The following ZER1 variants were observed in gnomAD, a reference collection of about 807,000 sequenced individuals.
ZER1 encodes the protein zyg-11 related cell cycle regulator.
In ZER1, 11 loss-of-function variants were observed where a neutral mutation model predicts 78.8. That is an observed-to-expected ratio of 0.14 (90% CI 0.09 to 0.23). ZER1 has a LOEUF of 0.23. Ranked by LOEUF, ZER1 falls within the 10% of genes least tolerant of loss-of-function variation. The pLI, the probability that ZER1 is intolerant of heterozygous loss-of-function variation, is 1.00. For missense variants in ZER1, 588 were observed against 996.9 expected, an observed-to-expected ratio of 0.59 and a Z score of 5.52; for synonymous variants, 400 against 407.0, an observed-to-expected ratio of 0.98 and a Z score of 0.21.
In ZER1 at chr9:128,754,020, A is replaced by T; in HGVS notation, c.159-61T>A. 1.1e-5 allele frequency: 17 copies of T among 1,533,502 alleles called. No individual in the cohort carries two copies. The highest frequency in any genetic ancestry group is 1.5e-5 in the Non-Finnish European group (17 of 1,135,822). The allele number at this position is 1,533,502 out of a possible 1,614,324, so 95.0% of individuals were successfully genotyped here. A position where few individuals can be genotyped will look rare whatever the true frequency, so the allele number is the denominator to read the frequency against. ...ACAGGGACTCTCATCCTCGCTTCAA[A>T]GCCAAGCCCTCCTCCCCCTGAAGCT... On this transcript the variant is annotated intron_variant, in intron 2 of 15. Transcript: ENST00000291900. The surrounding 1 kb of genome is among the most constrained non-coding windows in gnomAD (Gnocchi z 4.3).
chr9:128,750,287 G>A (rs1192529835), intron 8 of ZER1, among the ~76,000 whole-genome samples: 1 of 152,138 alleles, frequency 6.6e-6, no homozygotes, highest in Non-Finnish European at 1.5e-5. Flanking sequence ...TATAATAAAG[G>A]CTTTTATTAC....
chr9:128,741,858 G>C lies in ZER1; in HGVS notation c.1576-17C>G, dbSNP rs778352747. The C allele has an allele frequency of 1.5e-5, 25 of 1,614,090 alleles. No individual in the cohort carries two copies. Among genetic ancestry groups the C allele is most frequent in the African/African-American group, 2.7e-5 (2 of 74,936 alleles). On this transcript the variant is annotated splice_polypyrimidine_tract_variant and intron_variant, in intron 9 of 15. Coordinates refer to ENST00000291900, the MANE Select transcript of ZER1 (RefSeq NM_006336.4). ...CAGCATGGTCTGCAGGCAGGGACAA[G>C]AGTCTGCTAGAGTGCTGGGGCTGAA... is the stretch of plus-strand genomic sequence containing the variant.
Position 128,750,632 on chromosome 9 carries a change from G to C in ZER1, c.1343C>G (p.Ser448Cys). The C allele has an allele frequency of 6.2e-7, 1 of 1,614,156 alleles. No homozygotes were observed. The highest frequency in any genetic ancestry group is 1.1e-5 in the South Asian group (1 of 91,082). Reference protein sequence around the residue: ...VIQVVLNGMESYQEVTVQRNC... With the variant: ...VIQVVLNGMECYQEVTVQRNC... ...GGGGCTCACCGTCACCTCCTGGTAG[G>C]ATTCCATGCCATTCAGCACCACCTG... is the stretch of plus-strand genomic sequence containing the variant. Residue 448 changes from serine to cysteine, a missense_variant, in exon 8 of 16, where the codon TCC (serine) becomes TGC (cysteine). By Grantham distance (112) the Ser-to-Cys change is moderately radical. This residue lies in a region of ZER1 where 406 missense variants were observed against 660.1 expected (regional missense o/e 0.62). Transcript: ENST00000291900.
At chr9:128,768,455 C>G (rs926858358) in intron 1 of ZER1, among the ~76,000 whole-genome samples, 1 of 152,166 alleles carries the variant, frequency 6.6e-6, no homozygotes, top group Non-Finnish European at 1.5e-5. Context: ...GGCCATTATT[C>G]TTAATCTACA....
At chr9:128,762,953 C>T (rs926287518) in intron 1 of ZER1, among the ~76,000 whole-genome samples, 4 of 152,234 alleles carry the variant, frequency 2.6e-5, no homozygotes, top group Non-Finnish European at 4.4e-5. Flanking sequence ...TTTTCAAGCC[C>T]ACCGGAATTA....
chr9:128,735,757 CCTGGT>C (rs1454215830), intron 13 of ZER1, among the ~76,000 whole-genome samples: 1,968 of 77,258 alleles, frequency 0.025, 705 homozygotes, highest in African/African-American at 0.067. Flanking sequence ...GCACGTGTGA[CCTGGT>C]TTTTTTTTTT....
chr9:128,761,572 C>T (rs1864047692), intron 1 of ZER1, among the ~76,000 whole-genome samples: 1 of 150,316 alleles, frequency 6.7e-6, no homozygotes, highest in Non-Finnish European at 1.5e-5. Flanking sequence ...AGTCATGAGC[C>T]ACCATGTCCA....
In ZER1 at chr9:128,771,871, TC is replaced by T. The variant is rs969011354; in HGVS notation, c.-386del. 1 of 152,104 alleles carries T rather than the reference TC, an allele frequency of 6.6e-6. No homozygotes were observed. The highest frequency in any genetic ancestry group is 1.5e-5 in the Non-Finnish European group (1 of 68,020). 9.4% of individuals were successfully genotyped at this position (152,104 alleles called of 1,614,324 possible). ...CTCCTGGGCCCGGCCCCTCCCCCGATCCGGCTCCTACGGCTCGGAGCCTGCA... is the reference window on the plus strand; with the variant it reads ...CTCCTGGGCCCGGCCCCTCCCCCGATCGGCTCCTACGGCTCGGAGCCTGCA... On this transcript the variant is annotated 5_prime_UTR_variant, in exon 1 of 16. Transcript: ENST00000291900.
intron 15 of ZER1, 43 bp from the exon 16 acceptor site, chr9:128,731,437 T>TGGGGGGTGGGGGGG: frequency 2.2e-6 from 1 of 451,616 alleles, no homozygotes; most frequent in Non-Finnish European, 4.3e-6. Flanking sequence ...TGGGCTTGGG[T>TGGGGGGTGGGGGGG]GGGGGTGAGC....
intron 1 of ZER1, among the ~76,000 whole-genome samples, chr9:128,759,183 T>C (rs1485601342): frequency 6.6e-6 from 1 of 151,408 alleles, no homozygotes; most frequent in Non-Finnish European, 1.5e-5. Context: ...TTTTTTTTTT[T>C]CTTTTGAGAC....
intron 13 of ZER1, among the ~76,000 whole-genome samples, chr9:128,739,107 C>A (rs936874965): frequency 6.6e-6 from 1 of 151,942 alleles, no homozygotes; most frequent in Non-Finnish European, 1.5e-5. Flanking sequence ...GCCTCAGCCT[C>A]CTAAAGTGCT....
At chr9:128,735,742 C>T (rs987829381) in intron 13 of ZER1, among the ~76,000 whole-genome samples, 1 of 117,934 alleles carries the variant, frequency 8.5e-6, no homozygotes, top group Non-Finnish European at 1.7e-5. Flanking sequence ...ACCCTGGGAA[C>T]AGAAGCACGT....
intron 8 of ZER1, among the ~76,000 whole-genome samples, chr9:128,745,461 G>A (rs148128602): frequency 2.0e-5 from 3 of 151,482 alleles, no homozygotes; most frequent in East Asian, 3.9e-4. Flanking sequence ...CAGTGCAAGC[G>A]ATTCTCCCGT....
At chr9:128,750,545 AGCGGGAC>A (rs1863640226) in intron 8 of ZER1, 64 bp downstream of exon 8, 2 of 1,558,570 alleles carry the variant, frequency 1.3e-6, no homozygotes, top group African/African-American at 2.7e-5. Context: ...GGGGAGCCCT[AGCGGGAC>A]GCAAGAAGCA....
intron 1 of ZER1, among the ~76,000 whole-genome samples, chr9:128,758,947 G>T (rs1272977204): frequency 6.6e-6 from 1 of 151,946 alleles, no homozygotes; most frequent in Non-Finnish European, 1.5e-5. Flanking sequence ...CTCGCTTACT[G>T]TGTGAATCTT....
intron 5 of ZER1, among the ~76,000 whole-genome samples, chr9:128,752,347 CA>C (rs1463979716): frequency 6.7e-6 from 1 of 149,418 alleles, no homozygotes; most frequent in South Asian, 2.1e-4. Flanking sequence ...TTTTTTGAGA[CA>C]AAGTCCCACT....
At chr9:128,744,081 T>C (rs1313068408) in intron 8 of ZER1, among the ~76,000 whole-genome samples, 4 of 151,796 alleles carry the variant, frequency 2.6e-5, no homozygotes, top group Non-Finnish European at 4.4e-5. Context: ...GTATTTTTAG[T>C]AGAGATGGGG....
rs879091505 is a variant in ZER1, at chr9:128,753,799, C to T, written c.309+10G>A. On this transcript the variant is annotated intron_variant, in intron 3 of 15. Coordinates refer to ENST00000291900, the MANE Select transcript of ZER1 (RefSeq NM_006336.4). The surrounding 1 kb of genome is among the most constrained non-coding windows in gnomAD (Gnocchi z 7.5). Reference sequence around the variant, plus strand: ...GGGCCCTCCTGGCGCTGTGGCGGGGCAGGTCTCACCTGCTTGCGGATGGCC... The same window carrying T: ...GGGCCCTCCTGGCGCTGTGGCGGGGTAGGTCTCACCTGCTTGCGGATGGCC... The T allele has an allele frequency of 6.4e-7, 1 of 1,554,028 alleles. No individual in the cohort carries two copies. Among genetic ancestry groups the T allele is most frequent in the Non-Finnish European group, 8.7e-7 (1 of 1,153,250 alleles).
chr9:128,746,478 T>A (rs143066199), intron 8 of ZER1, among the ~76,000 whole-genome samples: 1 of 147,894 alleles, frequency 6.8e-6, no homozygotes. Flanking sequence ...TTTTTTTTTT[T>A]AAGACAGGGT....
Sources: gnomAD v4.1 joint callset for allele counts (sites outside exome capture counted in the v4.1 genomes callset) on GRCh38, gnomAD v4.1.1 for gene constraint, gnomAD v4.1.1 regional missense constraint, Gnocchi (gnomAD v3.1) non-coding constraint, MANE v1.5 for transcripts, NCBI Gene and HGNC (gene_info 2026-07-23, HGNC 2026-07-21) for gene names.